Variants in GLE1 observed in about 807,000 individuals in gnomAD.
GLE1 encodes mRNA export factor GLE1.
In GLE1, 78 loss-of-function variants were observed where a neutral mutation model predicts 97.3. The observed-to-expected ratio is 0.80, with a 90% confidence interval of 0.67 to 0.97. The LOEUF is 0.97. Ranked by LOEUF, GLE1 falls within the 50% of genes least tolerant of loss-of-function variation. GLE1 has a pLI of 0.00. For missense variants in GLE1, 753 were observed against 857.5 expected, an observed-to-expected ratio of 0.88 and a Z score of 1.52; for synonymous variants, 302 against 313.4, an observed-to-expected ratio of 0.96 and a Z score of 0.39.
intron 2 of GLE1, among the ~76,000 whole-genome samples, chr9:128,511,940 T>C (rs1176019772): frequency 1.3e-5 from 2 of 151,872 alleles, no homozygotes; most frequent in Admixed American, 1.3e-4. Flanking sequence ...GCCTCCCGAG[T>C]AGCTGGGATT....
chr9:128,511,524 G>A (rs747486837), intron 2 of GLE1, among the ~76,000 whole-genome samples: 4 of 150,932 alleles, frequency 2.7e-5, no homozygotes, highest in African/African-American at 4.9e-5. Flanking sequence ...TGGCTAACAC[G>A]GTCAAACCCC....
intron 3 of GLE1, 68 bp downstream of exon 3, chr9:128,515,707 C>T (rs1846965829): frequency 9.8e-6 from 8 of 814,110 alleles, no homozygotes; most frequent in Middle Eastern, 4.5e-4. Flanking sequence ...TTCCCCAGGG[C>T]GTAGGAATGG....
chr9:128,539,627 TGCCCTCATGAA>T lies in GLE1; in HGVS notation c.1896_1906del (p.Leu633IlefsTer21). On this transcript the variant is annotated frameshift_variant, in exon 14 of 16. Coordinates refer to ENST00000309971, the MANE Select transcript of GLE1 (RefSeq NM_001003722.2). LOFTEE classifies it high-confidence loss of function. ...GTCTTTCCCTCTAGGTGTGTGGGAA[TGCCCTCATGAA>T]GCAATACCAGGTTCAGTTCTGGAAG... is the stretch of plus-strand genomic sequence containing the variant. 6.2e-7 allele frequency: 1 copy of T among 1,612,742 alleles called. No individual in the cohort carries two copies. Among genetic ancestry groups the T allele is most frequent in the South Asian group, 1.1e-5 (1 of 91,066 alleles).
rs140263570 is a variant in GLE1 at position 128,505,839 on chromosome 9, T to G, written c.99+935T>G. On this transcript the variant is annotated intron_variant, in intron 1 of 15. Coordinates refer to ENST00000309971, the MANE Select transcript of GLE1 (RefSeq NM_001003722.2). ...GGGCAAACCTTAATCCTCCATGGCT[T>G]TAGCATTCATTGATGTTTTCCACAT... Among the ~76,000 whole-genome samples, 551 of 152,336 alleles carry G rather than the reference T, an allele frequency of 3.6e-3. 3 individuals carry two copies. The highest frequency in any genetic ancestry group is 0.012 in the African/African-American group (490 of 41,576).
At chr9:128,514,445 C>CTTTT (rs772047006) in intron 2 of GLE1, among the ~76,000 whole-genome samples, 3 of 132,740 alleles carry the variant, frequency 2.3e-5, no homozygotes, top group African/African-American at 8.5e-5. Context: ...GGATAGCAGA[C>CTTTT]TTTTTTTTTT....
intron 9 of GLE1, among the ~76,000 whole-genome samples, chr9:128,532,305 ACC>A (rs1452751885): frequency 7.3e-6 from 1 of 136,802 alleles, no homozygotes; most frequent in Non-Finnish European, 1.5e-5. Flanking sequence ...GCTCACTGTA[ACC>A]TGCGCTTCCT....
chr9:128,538,018 C>G lies in GLE1; in HGVS notation c.1809C>G (p.Arg603=), dbSNP rs1748445416. 6.2e-7 allele frequency: 1 copy of G among 1,612,072 alleles called. No individual in the cohort carries two copies. Among genetic ancestry groups the G allele is most frequent in the Non-Finnish European group, 8.5e-7 (1 of 1,178,244 alleles). ...CTCATGGCTTAAATCATGGATGGCG[C>G]TGGTTGGCACAGATCTTAAACATGG... ...IHPHGLNHGW[R]WLAQILNMEP... The change falls in exon 13 of 16, where the codon CGC becomes CGG. Residue 603 remains arginine, a synonymous_variant. Coordinates refer to ENST00000309971, the MANE Select transcript of GLE1 (RefSeq NM_001003722.2).
At chr9:128,507,564 A>G (rs945371165) in intron 1 of GLE1, among the ~76,000 whole-genome samples, 12 of 150,536 alleles carry the variant, frequency 8.0e-5, no homozygotes, top group African/African-American at 2.7e-4. Context: ...AGCCTGGGGA[A>G]CAGAATGAGA....
At chr9:128,516,367 T>C (rs890790284) in intron 3 of GLE1, among the ~76,000 whole-genome samples, 16 of 152,316 alleles carry the variant, frequency 1.1e-4, no homozygotes, top group African/African-American at 3.6e-4. Context: ...TTGCCCAGGC[T>C]GTAGTACAGT....
Position 128,509,038 on chromosome 9 carries a change from T to G in GLE1, c.262T>G (p.Ser88Ala). The G allele has an allele frequency of 6.2e-7, 1 of 1,613,930 alleles. No individual in the cohort carries two copies. The highest frequency in any genetic ancestry group is 8.5e-7 in the Non-Finnish European group (1 of 1,179,844). Residue 88 changes from serine (S) to alanine (A), a missense_variant, in exon 2 of 16, where the codon TCT becomes GCT. By Grantham distance (99) the Ser-to-Ala change is moderately conservative. Transcript: ENST00000309971. ...AGATCAACCCTCATTTGTTCCCAAATCTCCTGACGCAAGCTCTGCCTTTTC... is the reference window on the plus strand; with the variant it reads ...AGATCAACCCTCATTTGTTCCCAAAGCTCCTGACGCAAGCTCTGCCTTTTC... ...ALDQPSFVPK[S>A]PDASSAFSPA...
chr9:128,510,865 A>AT (rs911997514), intron 2 of GLE1, among the ~76,000 whole-genome samples: 1 of 136,630 alleles, frequency 7.3e-6, no homozygotes, highest in African/African-American at 2.7e-5. Context: ...CATAGAAAGT[A>AT]TTTTTTTTCT....
Position 128,525,293 on chromosome 9 carries a change from C to T in GLE1, c.999C>T (p.Cys333=), listed in dbSNP as rs199535198. ...TGGGGCAGGAGATCACCAGAGCCTG[C>T]GAAGACAAGAGGAGGCAGGATGAAG... The part of the protein sequence containing the change: ...MNLGQEITRA[C]EDKRRQDEEE... Residue 333 remains cysteine (C), a synonymous_variant, in exon 7 of 16, where the codon TGC becomes TGT. Transcript: ENST00000309971. 22 of 1,613,886 alleles carry T rather than the reference C, an allele frequency of 1.4e-5. No individual in the cohort carries two copies. The highest frequency in any genetic ancestry group is 5.5e-5 in the South Asian group (5 of 91,068).
At chr9:128,519,028 A>G (rs529777628) in intron 3 of GLE1, among the ~76,000 whole-genome samples, 46 of 152,354 alleles carry the variant, frequency 3.0e-4, no homozygotes, top group East Asian at 9.6e-4. Flanking sequence ...CTTTACTGCA[A>G]TCTCTAAACA....
At chr9:128,518,752 C>T (rs556844645) in intron 3 of GLE1, among the ~76,000 whole-genome samples, 9 of 151,554 alleles carry the variant, frequency 5.9e-5, no homozygotes, top group African/African-American at 1.9e-4. Context: ...CCTGTAGTCC[C>T]AGCTACTTGG....
intron 3 of GLE1, among the ~76,000 whole-genome samples, chr9:128,521,565 A>G (rs183635647): frequency 6.6e-6 from 1 of 152,298 alleles, no homozygotes; most frequent in East Asian, 1.9e-4. Context: ...ATAAAATATA[A>G]TTATGTTTTA....
intron 2 of GLE1, among the ~76,000 whole-genome samples, chr9:128,512,811 C>T (rs1175518513): frequency 6.6e-6 from 1 of 152,160 alleles, no homozygotes; most frequent in Non-Finnish European, 1.5e-5. Flanking sequence ...AGGCACGCGC[C>T]ACCATGCCTG....
At chr9:128,517,506 G>C (rs529487123) in intron 3 of GLE1, among the ~76,000 whole-genome samples, 1 of 152,322 alleles carries the variant, frequency 6.6e-6, no homozygotes, top group African/African-American at 2.4e-5. Context: ...TGTAATCTGG[G>C]TGAAAGATGG....
intron 7 of GLE1, among the ~76,000 whole-genome samples, chr9:128,525,885 A>G (rs1847286969): frequency 6.6e-6 from 1 of 152,082 alleles, no homozygotes; most frequent in Non-Finnish European, 1.5e-5. Flanking sequence ...AGGTGGTGCC[A>G]CTGCACTCCA....
chr9:128,536,497 G>C lies in GLE1; in HGVS notation c.1776+13G>C. 6.2e-7 allele frequency: 1 copy of C among 1,610,570 alleles called. No individual in the cohort carries two copies. The highest frequency in any genetic ancestry group is 8.5e-7 in the Non-Finnish European group (1 of 1,176,964). On this transcript the variant is annotated intron_variant, in intron 12 of 15. Transcript: ENST00000309971. ...AAACCGACAGGAGGTAGGTAAAAGAGGCTTACTGTCAATAATGAGAGGTTA... is the reference window on the plus strand; with the variant it reads ...AAACCGACAGGAGGTAGGTAAAAGACGCTTACTGTCAATAATGAGAGGTTA...
Sources: gnomAD v4.1 joint callset for allele counts (sites outside exome capture counted in the v4.1 genomes callset) on GRCh38, gnomAD v4.1.1 for gene constraint, MANE v1.5 for transcripts, NCBI Gene and HGNC (gene_info 2026-07-23, HGNC 2026-07-21) for gene names.